The following VAV3 variants were observed in gnomAD, a reference collection of about 807,000 sequenced individuals.
VAV3 encodes the protein guanine nucleotide exchange factor VAV3.
Under a neutral mutation model 131.2 loss-of-function variants are expected in VAV3, and 94 were observed. The observed-to-expected ratio is 0.72, with a 90% CI of 0.61 to 0.85. The LOEUF (loss-of-function observed/expected upper bound fraction) is 0.85. Among genes scored for constraint, VAV3 ranks in the 40% least tolerant of loss-of-function variants. The probability of loss-of-function intolerance (pLI) is 0.00; values close to 1 mark genes in which losing one functional copy is unlikely to be tolerated. For missense variants in VAV3, 939 were observed against 1,002.7 expected (o/e 0.94, Z 0.86); for synonymous variants, 349 against 342.0 (o/e 1.02, Z -0.22).
At chr1:107,675,080 G>A (rs1658094230) in intron 19 of VAV3, among the ~76,000 whole-genome samples, 1 of 152,302 alleles carries the variant, frequency 6.6e-6, no homozygotes, top group South Asian at 2.1e-4. Flanking sequence ...GATATCTTAA[G>A]TGAAGTATTG....
At chr1:107,797,067 A>AT (rs1405516828) in intron 2 of VAV3, among the ~76,000 whole-genome samples, 1 of 152,114 alleles carries the variant, frequency 6.6e-6, no homozygotes, top group Admixed American at 6.5e-5. Flanking sequence ...AGAAGTTACT[A>AT]TTTTTTATTT....
intron 1 of VAV3, among the ~76,000 whole-genome samples, chr1:107,949,192 T>C (rs535236499): frequency 6.6e-6 from 1 of 152,362 alleles, no homozygotes; most frequent in Admixed American, 6.5e-5. Context: ...AAGTTTAGCT[T>C]GTTGCATTTA....
At chr1:107,678,337 T>C (rs1053047158) in intron 19 of VAV3, among the ~76,000 whole-genome samples, 2 of 152,188 alleles carry the variant, frequency 1.3e-5, no homozygotes, top group South Asian at 2.1e-4. Flanking sequence ...TTAGAGGTGA[T>C]AGAAAAGACA....
At chr1:107,604,434 A>G (rs1652109399) in intron 22 of VAV3, among the ~76,000 whole-genome samples, 1 of 152,194 alleles carries the variant, frequency 6.6e-6, no homozygotes, top group African/African-American at 2.4e-5. Flanking sequence ...ACTAGGACCT[A>G]GTATAATCTG....
At chr1:107,737,328 T>A (rs1442338291) in intron 15 of VAV3, among the ~76,000 whole-genome samples, 1 of 152,096 alleles carries the variant, frequency 6.6e-6, no homozygotes, top group African/African-American at 2.4e-5. Flanking sequence ...CCAAAAGCAA[T>A]GGCAACAAAA....
chr1:107,903,691 T>C (rs1166523735), intron 1 of VAV3, among the ~76,000 whole-genome samples: 1 of 152,174 alleles, frequency 6.6e-6, no homozygotes, highest in Non-Finnish European at 1.5e-5. Context: ...GTCCTCCCCT[T>C]TATATTTGTT....
chr1:107,673,923 T>C (rs1192085374), intron 19 of VAV3, among the ~76,000 whole-genome samples: 1 of 152,222 alleles, frequency 6.6e-6, no homozygotes, highest in Admixed American at 6.5e-5. Flanking sequence ...TATTTTAAGA[T>C]AAACTTTACA....
intron 24 of VAV3, among the ~76,000 whole-genome samples, chr1:107,601,302 C>A (rs1315263610): frequency 6.6e-6 from 1 of 152,154 alleles, no homozygotes; most frequent in Non-Finnish European, 1.5e-5. Context: ...TGGGAATGAT[C>A]TTTACATCCA....
intron 2 of VAV3, among the ~76,000 whole-genome samples, chr1:107,860,072 C>T (rs989680030): frequency 5.3e-5 from 8 of 152,150 alleles, no homozygotes; most frequent in African/African-American, 1.4e-4. Context: ...GCAAAAATAG[C>T]GGTATATAAG....
chr1:107,638,996 A>T (rs1655141140), intron 20 of VAV3, among the ~76,000 whole-genome samples: 2 of 152,060 alleles, frequency 1.3e-5, no homozygotes, highest in African/African-American at 2.4e-5. Context: ...TAGTACATAT[A>T]AATATATGTG....
chr1:107,930,569 A>T (rs78326676), intron 1 of VAV3, among the ~76,000 whole-genome samples: 2 of 152,290 alleles, frequency 1.3e-5, no homozygotes, highest in Admixed American at 6.5e-5. Context: ...TACCTAGTCG[A>T]TAAGAAAAGA....
intron 1 of VAV3, among the ~76,000 whole-genome samples, chr1:107,916,049 A>G (rs1374669848): frequency 2.0e-5 from 3 of 152,208 alleles, no homozygotes; most frequent in Non-Finnish European, 4.4e-5. Flanking sequence ...CATGCAAGTG[A>G]CAATCATCAA....
At chr1:107,856,697 ATTT>A (rs895650446) in intron 2 of VAV3, among the ~76,000 whole-genome samples, 9 of 152,184 alleles carry the variant, frequency 5.9e-5, no homozygotes, top group African/African-American at 2.2e-4. Context: ...CAAATATGAG[ATTT>A]TTGTTTTTTA....
intron 1 of VAV3, among the ~76,000 whole-genome samples, chr1:107,949,905 C>G (rs983994030): frequency 1.3e-5 from 2 of 152,092 alleles, no homozygotes; most frequent in Admixed American, 1.3e-4. Flanking sequence ...TACTCTAGAC[C>G]AACTTTTTCT....
At chr1:107,675,905 T>C (rs965194158) in intron 19 of VAV3, among the ~76,000 whole-genome samples, 2 of 152,192 alleles carry the variant, frequency 1.3e-5, no homozygotes, top group Admixed American at 1.3e-4. Context: ...AAGCTTCCAG[T>C]TGGAATAAAC....
intron 5 of VAV3, among the ~76,000 whole-genome samples, chr1:107,771,966 G>A (rs972764084): frequency 6.6e-6 from 1 of 152,184 alleles, no homozygotes; most frequent in African/African-American, 2.4e-5. Context: ...AGAAGCTACT[G>A]GACAGCCCAT....
chr1:107,850,629 G>A (rs903753499), intron 2 of VAV3, among the ~76,000 whole-genome samples: 1 of 151,482 alleles, frequency 6.6e-6, no homozygotes, highest in Non-Finnish European at 1.5e-5. Flanking sequence ...TAGATGATGG[G>A]TTGATTGGTG....
intron 1 of VAV3, among the ~76,000 whole-genome samples, chr1:107,922,467 A>C (rs1175733684): frequency 2.0e-5 from 3 of 152,194 alleles, no homozygotes; most frequent in African/African-American, 7.2e-5. Flanking sequence ...TTTTATATGA[A>C]TATATATCTA....
intron 18 of VAV3, among the ~76,000 whole-genome samples, chr1:107,687,736 T>A (rs573287334): frequency 1.3e-5 from 2 of 152,318 alleles, no homozygotes; most frequent in East Asian, 3.9e-4. Context: ...TATTTAATGA[T>A]GGGCAACTTG....
Sources: allele counts gnomAD v4.1 joint callset (sites outside exome capture counted in the v4.1 genomes callset), GRCh38; gene constraint gnomAD v4.1.1; transcripts MANE v1.5; gene names NCBI Gene and HGNC (gene_info 2026-07-23, HGNC 2026-07-21).